The following AS3MT variants were observed in gnomAD, a reference collection of about 807,000 sequenced individuals.
AS3MT encodes the protein arsenite methyltransferase, also known as S-adenosyl-L-methionine:arsenic(III) methyltransferase.
AS3MT carries 47 observed loss-of-function variants against 45.3 expected under a neutral mutation model. The ratio of observed to expected loss-of-function variants is 1.04; its 90% CI spans 0.82 to 1.32. The LOEUF is 1.32. Ranked by LOEUF, AS3MT falls within the 40% of genes most tolerant of loss-of-function variation. The probability of loss-of-function intolerance (pLI) is 0.00; values close to 1 mark genes in which losing one functional copy is unlikely to be tolerated. For missense variants in AS3MT, 396 were observed against 451.1 expected, an observed-to-expected ratio of 0.88 and a Z score of 1.11; for synonymous variants, 141 against 152.8, an observed-to-expected ratio of 0.92 and a Z score of 0.57.
chr10:102,883,083 G>GTT (rs1243826663), intron 9 of AS3MT, among the ~76,000 whole-genome samples: 53 of 120,228 alleles, frequency 4.4e-4, no homozygotes, highest in African/African-American at 7.2e-4. Context: ...TAAGCAAAAT[G>GTT]TTTTATATAT....
chr10:102,874,635 C>A lies in AS3MT; in HGVS notation c.502C>A (p.Leu168Ile), dbSNP rs1844752732. Residue 168 changes from leucine to isoleucine, a missense_variant, in exon 6 of 11, where the codon CTT (leucine) becomes ATT (isoleucine). Transcript: ENST00000369880. ...CCTTGTGCCTGATAAACAACAAGTG[C>A]TTCAGGAGGCATATCGGGTGCTGAA... Reference protein sequence around the residue: ...INLVPDKQQVLQEAYRVLKHG... With the variant: ...INLVPDKQQVIQEAYRVLKHG... 1 of 1,610,124 alleles carries A rather than the reference C, an allele frequency of 6.2e-7. No homozygotes were observed. The highest frequency in any genetic ancestry group is 1.3e-5 in the African/African-American group (1 of 74,864).
intron 3 of AS3MT, among the ~76,000 whole-genome samples, chr10:102,871,676 T>C (rs1278558036): frequency 2.0e-5 from 3 of 147,058 alleles, no homozygotes; most frequent in Non-Finnish European, 4.5e-5. Context: ...TGCGGTGAGC[T>C]GAGATCGCGC....
rs1564795184 is a variant in AS3MT, at chr10:102,890,662, C to T, written c.1004C>T (p.Ser335Phe). The T allele has an allele frequency of 6.2e-7, 1 of 1,611,746 alleles. No individual in the cohort carries two copies. The highest frequency in any genetic ancestry group is 1.1e-5 in the South Asian group (1 of 90,492). ...AAGTTGCCAACATCTGGAGGCTGTTCTGCTTTGGAGTTAAAGGTTAGTTTG... is the reference window on the plus strand; with the variant it reads ...AAGTTGCCAACATCTGGAGGCTGTTTTGCTTTGGAGTTAAAGGTTAGTTTG... ...GEKLPTSGGCSALELKDIITD... is the reference protein window; with the variant it reads ...GEKLPTSGGCFALELKDIITD... Residue 335 changes from serine to phenylalanine, a missense_variant, in exon 10 of 11, where the codon TCT (serine) becomes TTT (phenylalanine). Coordinates refer to ENST00000369880, the MANE Select transcript of AS3MT (RefSeq NM_020682.4).
intron 9 of AS3MT, chr10:102,888,056 C>A: frequency 6.1e-6 from 1 of 164,500 alleles, no homozygotes. Flanking sequence ...AATGCTCCAC[C>A]AAGATTCCCA....
At chr10:102,872,420 G>A (rs1352283736) in intron 3 of AS3MT, 28 bp from the exon 4 acceptor site, 2 of 1,612,096 alleles carry the variant, frequency 1.2e-6, no homozygotes, top group Non-Finnish European at 8.5e-7. Context: ...AGTCTCCAGG[G>A]AAAAAATATG....
intron 7 of AS3MT, 78 bp from the exon 8 acceptor site, chr10:102,878,301 T>A: frequency 6.6e-7 from 1 of 1,526,016 alleles, no homozygotes; most frequent in African/African-American, 1.4e-5. Context: ...CCTAATTAAT[T>A]ATATAGAAGA....
chr10:102,881,870 G>C lies in AS3MT; in HGVS notation c.885+2879G>C, dbSNP rs1025519193. On this transcript the variant is annotated intron_variant, in intron 9 of 10. Coordinates refer to ENST00000369880, the MANE Select transcript of AS3MT (RefSeq NM_020682.4). The surrounding 1 kb of genome is among the most constrained non-coding windows in gnomAD (Gnocchi z 4.2). ...CCCATCTCAGCCTCCCAAGTAGCTGGGACTACAGGCATGTGTCACCATGCC... is the reference window on the plus strand; with the variant it reads ...CCCATCTCAGCCTCCCAAGTAGCTGCGACTACAGGCATGTGTCACCATGCC... 4.6e-5 allele frequency among the ~76,000 whole-genome samples: 7 copies of C among 150,922 alleles called. No homozygotes were observed. The highest frequency in any genetic ancestry group is 1.0e-4 in the Non-Finnish European group (7 of 67,744).
At chr10:102,872,380 T>A in intron 3 of AS3MT, 68 bp from the exon 4 acceptor site, 1 of 1,501,484 alleles carries the variant, frequency 6.7e-7, no homozygotes, top group Non-Finnish European at 9.2e-7. Context: ...GAGGGAAGTA[T>A]GTATAAGATT....
intron 9 of AS3MT, among the ~76,000 whole-genome samples, chr10:102,882,472 T>C (rs1416407819): frequency 2.0e-5 from 3 of 151,754 alleles, no homozygotes; most frequent in Non-Finnish European, 4.4e-5. Flanking sequence ...ACACTGGCTA[T>C]TCACAGGTGT....
At chr10:102,898,303 C>T (rs1258955952) in intron 10 of AS3MT, among the ~76,000 whole-genome samples, 2 of 152,106 alleles carry the variant, frequency 1.3e-5, no homozygotes, top group East Asian at 1.9e-4. Flanking sequence ...TATTAAAACA[C>T]TGCAGCATCT....
At chr10:102,870,900 G>A (rs935237229) in intron 3 of AS3MT, among the ~76,000 whole-genome samples, 2 of 152,176 alleles carry the variant, frequency 1.3e-5, no homozygotes, top group Admixed American at 6.5e-5. Context: ...CGGTCTGTCC[G>A]TAAATCACGG....
rs1344988369 is a variant in AS3MT at position 102,876,971 on chromosome 10, T to G, written c.546T>G (p.Tyr182Ter). The G allele has an allele frequency of 6.2e-7, 1 of 1,614,224 alleles. No individual in the cohort carries two copies. The highest frequency in any genetic ancestry group is 1.1e-5 in the South Asian group (1 of 91,088). Reference sequence around the variant, plus strand: ...TGTTTCAGCATGGTGGGGAGTTATATTTCAGTGACGTCTATACGAGCCTTG... The same window carrying G: ...TGTTTCAGCATGGTGGGGAGTTATAGTTCAGTGACGTCTATACGAGCCTTG... The part of the protein sequence containing the change: ...YRVLKHGGEL[Y>*]FSDVYTSLEL... Residue 182 changes from tyrosine (Y) to a stop codon, truncating the protein, a stop_gained, in exon 7 of 11, where the codon TAT becomes TAG. Coordinates refer to ENST00000369880, the MANE Select transcript of AS3MT (RefSeq NM_020682.4). LOFTEE classifies it high-confidence loss of function.
chr10:102,870,576 AAAG>A (rs1844662284), intron 3 of AS3MT, among the ~76,000 whole-genome samples: 1 of 152,152 alleles, frequency 6.6e-6, no homozygotes, highest in African/African-American at 2.4e-5. Context: ...TGCCTAAAAA[AAAG>A]AACCTCCAGC....
intron 10 of AS3MT, among the ~76,000 whole-genome samples, chr10:102,897,343 C>G (rs1450719286): frequency 6.6e-6 from 1 of 150,392 alleles, no homozygotes; most frequent in African/African-American, 2.4e-5. Flanking sequence ...GAGATCATGC[C>G]ACTGCACTCC....
At chr10:102,897,252 C>T (rs995622250) in intron 10 of AS3MT, among the ~76,000 whole-genome samples, 13 of 151,164 alleles carry the variant, frequency 8.6e-5, no homozygotes, top group South Asian at 2.1e-4. Flanking sequence ...GGCGTGGTGG[C>T]GGGTGCCTGT....
At chr10:102,883,108 T>G (rs1844892566) in intron 9 of AS3MT, among the ~76,000 whole-genome samples, 2 of 150,118 alleles carry the variant, frequency 1.3e-5, no homozygotes, top group South Asian at 2.1e-4. Flanking sequence ...ATATATGGTT[T>G]TTTTTTTTTT....
chr10:102,874,863 C>T (rs954871573), intron 6 of AS3MT, among the ~76,000 whole-genome samples: 1 of 152,144 alleles, frequency 6.6e-6, no homozygotes, highest in African/African-American at 2.4e-5. Flanking sequence ...GTAGTAAATC[C>T]GAGGTGACAG....
At chr10:102,873,420 A>G (rs997760784) in intron 5 of AS3MT, among the ~76,000 whole-genome samples, 187 bp downstream of exon 5, 1 of 152,074 alleles carries the variant, frequency 6.6e-6, no homozygotes, top group African/African-American at 2.4e-5. Context: ...AGCTGGGATT[A>G]TAGGCACACG....
intron 10 of AS3MT, among the ~76,000 whole-genome samples, chr10:102,897,858 C>T (rs755022078): frequency 6.6e-6 from 1 of 152,228 alleles, no homozygotes; most frequent in Non-Finnish European, 1.5e-5. Flanking sequence ...TTCTCCCTCC[C>T]AGTGTGCGTG....
Sources: gnomAD v4.1 joint callset for allele counts (sites outside exome capture counted in the v4.1 genomes callset) on GRCh38, gnomAD v4.1.1 for gene constraint, Gnocchi (gnomAD v3.1) non-coding constraint, MANE v1.5 for transcripts, NCBI Gene and HGNC (gene_info 2026-07-23, HGNC 2026-07-21) for gene names.